The following POU6F2 variants were observed in gnomAD, a reference collection of about 807,000 sequenced individuals.
POU6F2 encodes POU domain, class 6, transcription factor 2.
A neutral mutation model predicts 71.3 loss-of-function variants in POU6F2; 31 were observed. That is an observed-to-expected ratio of 0.43 (90% CI 0.33 to 0.59). The LOEUF is 0.59. POU6F2 is among the 20% of genes least tolerant of loss of function. The pLI is 0.04. For synonymous variants in POU6F2, 347 were observed against 355.7 expected (o/e 0.98, Z 0.27); for missense variants, 783 against 856.8 (o/e 0.91, Z 1.07).
chr7:39,141,919 C>T (rs1792512125), intron 2 of POU6F2, among the ~76,000 whole-genome samples: 2 of 152,098 alleles, frequency 1.3e-5, no homozygotes, highest in Non-Finnish European at 2.9e-5. Context: ...AACTCCATCT[C>T]TACCAAAAAT....
chr7:39,258,701 TAA>T (rs5883681), intron 4 of POU6F2, among the ~76,000 whole-genome samples: 4 of 145,146 alleles, frequency 2.8e-5, no homozygotes, highest in East Asian at 2.0e-4. Flanking sequence ...TCTAGATGTT[TAA>T]AAAAAAAAAA....
At chr7:39,303,379 C>T (rs1458105422) in intron 4 of POU6F2, among the ~76,000 whole-genome samples, 1 of 152,138 alleles carries the variant, frequency 6.6e-6, no homozygotes, top group Non-Finnish European at 1.5e-5. Context: ...AATCTCCTGA[C>T]CTCGTGATCT....
At chr7:39,185,582 A>C (rs1793516657) in intron 2 of POU6F2, among the ~76,000 whole-genome samples, 1 of 152,064 alleles carries the variant, frequency 6.6e-6, no homozygotes, top group African/African-American at 2.4e-5. Flanking sequence ...ATGTAGGGGA[A>C]TATTCTAGTG....
intron 1 of POU6F2, among the ~76,000 whole-genome samples, chr7:39,005,516 T>TGTGTGTGTG (rs1789037629): frequency 3.5e-5 from 1 of 28,300 alleles, no homozygotes; most frequent in African/African-American, 8.3e-5. Context: ...GTGTGTGTGT[T>TGTGTGTGTG]TATGTTGTGT....
At chr7:39,098,520 A>G (rs1218915212) in intron 2 of POU6F2, among the ~76,000 whole-genome samples, 1 of 151,792 alleles carries the variant, frequency 6.6e-6, no homozygotes, top group Non-Finnish European at 1.5e-5. Context: ...GCCTCAAGCT[A>G]TCCTGCTACC....
Position 39,432,662 on chromosome 7 carries a change from G to T in POU6F2, c.1114-415G>T, listed in dbSNP as rs555343758. ...GGAAAGAATGTCAAAGGATCCCCTA[G>T]TTCAGAAAGTGTGGAGCCCCCCGGG... On this transcript the variant is annotated intron_variant, in intron 6 of 9. Coordinates refer to ENST00000518318, the MANE Select transcript of POU6F2 (RefSeq NM_001370959.1). Among the ~76,000 whole-genome samples the T allele has an allele frequency of 8.5e-5, 13 of 152,082 alleles. No homozygotes were observed. The South Asian group carries it at 1.9e-3, about 22-fold the overall frequency.
At chr7:39,234,309 C>A (rs566205975) in intron 4 of POU6F2, among the ~76,000 whole-genome samples, 2 of 152,244 alleles carry the variant, frequency 1.3e-5, no homozygotes, top group African/African-American at 4.8e-5. Context: ...GGTTGAGCAG[C>A]TGTCACTGTA....
chr7:39,094,271 T>G (rs952548565), intron 2 of POU6F2, among the ~76,000 whole-genome samples: 1 of 152,108 alleles, frequency 6.6e-6, no homozygotes, highest in Non-Finnish European at 1.5e-5. Context: ...TTTGGACAAC[T>G]TGACTTATAG....
At chr7:39,313,646 GT>G (rs1785207893) in intron 4 of POU6F2, among the ~76,000 whole-genome samples, 1 of 152,066 alleles carries the variant, frequency 6.6e-6, no homozygotes, top group African/African-American at 2.4e-5. Context: ...AACCTAGAGG[GT>G]AATAGCAGTT....
intron 4 of POU6F2, among the ~76,000 whole-genome samples, chr7:39,227,248 G>A (rs1357243408): frequency 6.6e-6 from 1 of 152,118 alleles, no homozygotes; most frequent in African/African-American, 2.4e-5. Context: ...AGGATAGATT[G>A]CTTAGAACGT....
chr7:39,458,784 C>A (rs1047967163), intron 8 of POU6F2, among the ~76,000 whole-genome samples: 10 of 152,076 alleles, frequency 6.6e-5, no homozygotes, highest in Non-Finnish European at 1.2e-4. Context: ...ACTCCTAGCA[C>A]GAACTCCTGC....
intron 2 of POU6F2, among the ~76,000 whole-genome samples, chr7:39,148,793 T>C (rs905808488): frequency 6.6e-6 from 1 of 152,172 alleles, no homozygotes; most frequent in Non-Finnish European, 1.5e-5. Flanking sequence ...ATTCCAAACA[T>C]GTGTCTTACT....
chr7:39,021,066 T>C lies in POU6F2; in HGVS notation c.105+43008T>C, dbSNP rs1189075328. ...TCTTTTAATGGAGAAATGTAATTCC[T>C]TCTGTTAATTATGTTAAATGATTTG... On this transcript the variant is annotated intron_variant, in intron 1 of 9. Transcript: ENST00000518318. Among the ~76,000 whole-genome samples, 4 of 151,876 alleles carry C rather than the reference T, an allele frequency of 2.6e-5. No homozygotes were observed. In the South Asian group the frequency reaches 8.3e-4, roughly 31 times the overall value.
chr7:39,004,727 G>A (rs1285198094), intron 1 of POU6F2, among the ~76,000 whole-genome samples: 1 of 152,116 alleles, frequency 6.6e-6, no homozygotes, highest in Non-Finnish European at 1.5e-5. Context: ...AGTAAAATAG[G>A]AGAAGTAGTT....
At chr7:39,237,799 AT>A (rs72005754) in intron 4 of POU6F2, among the ~76,000 whole-genome samples, 23,729 of 151,536 alleles carry the variant, frequency 0.16, 2,117 homozygotes, top group African/African-American at 0.25. Flanking sequence ...ACTTTTAAAC[AT>A]TTTTTTTTAA....
intron 7 of POU6F2, among the ~76,000 whole-genome samples, chr7:39,435,552 C>T (rs1389174795): frequency 6.6e-6 from 1 of 152,102 alleles, no homozygotes; most frequent in East Asian, 1.9e-4. Flanking sequence ...GGATAGATTG[C>T]AAAAATTTTC....
intron 2 of POU6F2, among the ~76,000 whole-genome samples, chr7:39,145,899 A>G (rs1407291610): frequency 6.6e-6 from 1 of 152,182 alleles, no homozygotes; most frequent in Non-Finnish European, 1.5e-5. Context: ...CTGCACAGAG[A>G]TCACACAAGG....
chr7:39,384,796 G>A (rs1786901915), intron 5 of POU6F2, among the ~76,000 whole-genome samples: 1 of 152,134 alleles, frequency 6.6e-6, no homozygotes, highest in East Asian at 1.9e-4. Flanking sequence ...CTTGTCTGTG[G>A]TTTATCCATT....
intron 1 of POU6F2, among the ~76,000 whole-genome samples, chr7:39,071,880 G>A (rs889663148): frequency 6.6e-6 from 1 of 152,064 alleles, no homozygotes; most frequent in African/African-American, 2.4e-5. Flanking sequence ...GGATTTTTCT[G>A]CTTATTTTAA....
Sources: gnomAD v4.1 joint callset for allele counts (sites outside exome capture counted in the v4.1 genomes callset) on GRCh38, gnomAD v4.1.1 for gene constraint, MANE v1.5 for transcripts, NCBI Gene and HGNC (gene_info 2026-07-23, HGNC 2026-07-21) for gene names.